FLYWCH1: variants seen among roughly 807,000 people sequenced by gnomAD.
FLYWCH1 encodes FLYWCH-type zinc finger-containing protein 1.
Under a neutral mutation model 66.4 loss-of-function variants are expected in FLYWCH1, and 75 were observed. The observed-to-expected ratio is 1.13, with a 90% CI of 0.94 to 1.37. FLYWCH1 has a LOEUF of 1.37. Among genes scored for constraint, FLYWCH1 ranks in the 40% most tolerant of loss-of-function variants. The probability of loss-of-function intolerance (pLI) is 0.00; values close to 1 mark genes in which losing one functional copy is unlikely to be tolerated. For missense variants in FLYWCH1, 1,334 were observed against 1,001.8 expected (o/e 1.33, Z -4.48); for synonymous variants, 595 against 429.9 (o/e 1.38, Z -4.75).
rs199970487 is a variant in FLYWCH1 at position 2,916,995 on chromosome 16, A to T, written c.-74+2706A>T. ...CCATCTCTAGTAAAAAAAAAAAAAA[A>T]AATAACAAAAATTAGCCAGGCGTGG... On this transcript the variant is annotated intron_variant, in intron 2 of 9. Coordinates refer to ENST00000253928, the MANE Select transcript of FLYWCH1 (RefSeq NM_001308068.2). Among the ~76,000 whole-genome samples, 307 of 151,050 alleles carry T rather than the reference A, an allele frequency of 2.0e-3. 3 individuals carry two copies. The highest frequency in any genetic ancestry group is 0.017 in the Middle Eastern group (5 of 288).
intron 2 of FLYWCH1, among the ~76,000 whole-genome samples, chr16:2,926,207 AC>A (rs2070561118): frequency 6.6e-6 from 1 of 152,244 alleles, no homozygotes; most frequent in South Asian, 2.1e-4. Flanking sequence ...AAACAATAGA[AC>A]AATTCTGCCC....
chr16:2,931,165 T>C (rs2070748318), intron 4 of FLYWCH1, among the ~76,000 whole-genome samples: 1 of 151,836 alleles, frequency 6.6e-6, no homozygotes, highest in Non-Finnish European at 1.5e-5. Context: ...TAGCCGGGCA[T>C]GCTGGTGCGC....
At chr16:2,936,920 G>C in intron 6 of FLYWCH1, 1 of 713,046 alleles carries the variant, frequency 1.4e-6, no homozygotes, top group Non-Finnish European at 2.3e-6. Context: ...CACCTGACCA[G>C]TCCCCAGCCT....
rs1268688001 is a variant in FLYWCH1 at position 2,933,748 on chromosome 16, G to A, written c.1282G>A (p.Gly428Ser). The change falls in exon 6 of 10, where the codon GGC becomes AGC. Residue 428 changes from glycine to serine, a missense_variant. Transcript: ENST00000253928. ...TGAGTTCCTGAAGACGCCCCTGGGG[G>A]GCAGCTTCCTGGTGTACGAGTCCTT... The part of the protein sequence containing the change: ...GPEFLKTPLG[G>S]SFLVYESFLY... The A allele has an allele frequency of 6.2e-7, 1 of 1,613,130 alleles. No individual in the cohort carries two copies. The highest frequency in any genetic ancestry group is 1.3e-5 in the African/African-American group (1 of 74,876).
At chr16:2,926,535 G>A (rs888665414) in intron 2 of FLYWCH1, among the ~76,000 whole-genome samples, 1 of 152,158 alleles carries the variant, frequency 6.6e-6, no homozygotes, top group Admixed American at 6.5e-5. Context: ...AAACAAGTAA[G>A]GGTTATTTGC....
chr16:2,923,200 A>G (rs2070439722), intron 2 of FLYWCH1: 14 of 343,708 alleles, frequency 4.1e-5, no homozygotes, highest in South Asian at 3.7e-4. Context: ...TACAAGGGGC[A>G]GGAGCTCCCT....
intron 1 of FLYWCH1, among the ~76,000 whole-genome samples, chr16:2,912,518 G>A (rs527456327): frequency 1.3e-5 from 2 of 152,314 alleles, no homozygotes; most frequent in African/African-American, 4.8e-5. Context: ...GGGTCGGGAC[G>A]CACCCCGCTC....
At chr16:2,922,832 G>A in intron 2 of FLYWCH1, 1 of 523,832 alleles carries the variant, frequency 1.9e-6, no homozygotes, top group South Asian at 1.4e-5. Context: ...AACATCCACA[G>A]TGAAGACAAG....
At chr16:2,944,409 A>G (rs1442453046) in intron 9 of FLYWCH1, among the ~76,000 whole-genome samples, 1 of 151,732 alleles carries the variant, frequency 6.6e-6, no homozygotes, top group African/African-American at 2.4e-5. Context: ...AAAAAAAAAA[A>G]AAGATCACAT....
chr16:2,933,438 G>A lies in FLYWCH1; in HGVS notation c.1105G>A (p.Val369Met), dbSNP rs757899219. 14 of 1,601,180 alleles carry A rather than the reference G, an allele frequency of 8.7e-6. No individual in the cohort carries two copies. Among genetic ancestry groups the A allele is most frequent in the East Asian group, 4.5e-5 (2 of 44,226 alleles). ...GSQVDTLLRG[V>M]DSLLYRRGPG... ...CCAAGTGGACACGCTGCTCCGAGGCGTGGATAGTTTGCTCTACCGCAGGGG... is the reference window on the plus strand; with the variant it reads ...CCAAGTGGACACGCTGCTCCGAGGCATGGATAGTTTGCTCTACCGCAGGGG... The change falls in exon 5 of 10, where the codon GTG (valine) becomes ATG (methionine). Residue 369 changes from valine (V) to methionine (M), a missense_variant. Coordinates refer to ENST00000253928, the MANE Select transcript of FLYWCH1 (RefSeq NM_001308068.2).
rs577908548 is a variant in FLYWCH1, at chr16:2,943,024, A to G, written c.2111+2932A>G. 2.6e-5 allele frequency among the ~76,000 whole-genome samples: 4 copies of G among 152,228 alleles called. No homozygotes were observed. The South Asian group carries it at 8.3e-4, about 32-fold the overall frequency. ...GCTGGCATCTGGGAACTTGACTGGT[A>G]AAGAGCTCCTATGTGGATACAATAC... On this transcript the variant is annotated intron_variant, in intron 9 of 9. Coordinates refer to ENST00000253928, the MANE Select transcript of FLYWCH1 (RefSeq NM_001308068.2).
At chr16:2,937,692 G>A (rs372051498) in intron 7 of FLYWCH1, among the ~76,000 whole-genome samples, 1 of 152,128 alleles carries the variant, frequency 6.6e-6, no homozygotes, top group South Asian at 2.1e-4. Flanking sequence ...GCCGTACGGT[G>A]GATCCTGGAC....
chr16:2,933,994 G>A lies in FLYWCH1; in HGVS notation c.1513+15G>A, dbSNP rs771929552. On this transcript the variant is annotated intron_variant, in intron 6 of 9. Transcript: ENST00000253928. ...GGGGAGCCCAGGTACCTGGGGGTGG[G>A]CTGGGAGCTGGGCCCCAGGAAGCAG... is the stretch of plus-strand genomic sequence containing the variant. 8.4e-5 allele frequency: 127 copies of A among 1,505,692 alleles called. No individual in the cohort carries two copies. The highest frequency in any genetic ancestry group is 1.1e-4 in the Non-Finnish European group (123 of 1,125,800). The allele number at this position is 1,505,692 out of a possible 1,614,324, so 93.3% of individuals were successfully genotyped here.
At chr16:2,927,901 C>T (rs1388451465) in intron 2 of FLYWCH1, among the ~76,000 whole-genome samples, 1 of 152,220 alleles carries the variant, frequency 6.6e-6, no homozygotes. Flanking sequence ...CTCTGAGTTC[C>T]CTCAGTATTT....
chr16:2,944,996 T>C (rs1406779268), intron 9 of FLYWCH1, among the ~76,000 whole-genome samples: 1 of 151,986 alleles, frequency 6.6e-6, no homozygotes, highest in African/African-American at 2.4e-5. Flanking sequence ...GATGGTGACA[T>C]GGATGACCCT....
chr16:2,916,986 A>AT (rs1445305093), intron 2 of FLYWCH1, among the ~76,000 whole-genome samples: 1 of 149,172 alleles, frequency 6.7e-6, no homozygotes, highest in Non-Finnish European at 1.5e-5. Flanking sequence ...CTAGTAAAAA[A>AT]AAAAAAAAAA....
chr16:2,942,683 C>G (rs796911369), intron 9 of FLYWCH1, among the ~76,000 whole-genome samples: 4 of 67,576 alleles, frequency 5.9e-5, no homozygotes, highest in African/African-American at 2.9e-4. Flanking sequence ...TAAGAACAGC[C>G]TGTGTGCAAG....
At chr16:2,936,647 G>A in intron 6 of FLYWCH1, 1 of 458,832 alleles carries the variant, frequency 2.2e-6, no homozygotes, top group South Asian at 1.5e-5. Context: ...CAGGACAGTG[G>A]ACGCTGCTCC....
intron 9 of FLYWCH1, among the ~76,000 whole-genome samples, chr16:2,945,946 G>A (rs549068169): frequency 1.4e-4 from 21 of 152,152 alleles, no homozygotes; most frequent in Admixed American, 2.0e-4. Flanking sequence ...GCAGTGAGCC[G>A]AGATTGCGAC....
Sources: allele counts gnomAD v4.1 joint callset (sites outside exome capture counted in the v4.1 genomes callset), GRCh38; gene constraint gnomAD v4.1.1; transcripts MANE v1.5; gene names NCBI Gene and HGNC (gene_info 2026-07-23, HGNC 2026-07-21).